SCAMP1: variants seen among roughly 807,000 people sequenced by gnomAD.
SCAMP1 encodes secretory carrier membrane protein 1.
In SCAMP1, 15 loss-of-function variants were observed where a neutral mutation model predicts 41.8. The ratio of observed to expected loss-of-function variants is 0.36; its 90% confidence interval spans 0.24 to 0.55. SCAMP1 has a LOEUF of 0.55. SCAMP1 is among the 20% of genes least tolerant of loss of function. SCAMP1 has a pLI of 0.86. For missense variants in SCAMP1, 341 were observed against 412.6 expected, an observed-to-expected ratio of 0.83 and a Z score of 1.50; for synonymous variants, 135 against 136.8, an observed-to-expected ratio of 0.99 and a Z score of 0.09.
chr5:78,383,434 A>G (rs1323495031), intron 1 of SCAMP1, among the ~76,000 whole-genome samples: 1 of 152,140 alleles, frequency 6.6e-6, no homozygotes, highest in East Asian at 1.9e-4. Context: ...TTTTTAGTTT[A>G]ATTAAGTCCC....
chr5:78,400,115 C>T (rs1390533504), intron 2 of SCAMP1, among the ~76,000 whole-genome samples: 1 of 152,116 alleles, frequency 6.6e-6, no homozygotes, highest in East Asian at 1.9e-4. Context: ...GCTCTAGCAC[C>T]ATTTGTTGAA....
At chr5:78,452,978 G>A (rs1250552953) in intron 7 of SCAMP1, among the ~76,000 whole-genome samples, 1 of 148,398 alleles carries the variant, frequency 6.7e-6, no homozygotes, top group Admixed American at 6.7e-5. Flanking sequence ...CTGCATAAAT[G>A]TCTTCTTTTG....
chr5:78,408,277 C>G (rs999981011), intron 2 of SCAMP1, among the ~76,000 whole-genome samples: 2 of 152,056 alleles, frequency 1.3e-5, no homozygotes, highest in African/African-American at 4.8e-5. Context: ...TTTATAAAAC[C>G]ATCAGGTATC....
chr5:78,467,533 C>T (rs1025815819), intron 8 of SCAMP1, among the ~76,000 whole-genome samples: 2 of 152,078 alleles, frequency 1.3e-5, no homozygotes, highest in Non-Finnish European at 2.9e-5. Context: ...ATGACTTTCT[C>T]GAATAAAAGT....
intron 6 of SCAMP1, among the ~76,000 whole-genome samples, chr5:78,433,343 A>G (rs1216800249): frequency 6.6e-6 from 1 of 152,088 alleles, no homozygotes; most frequent in African/African-American, 2.4e-5. Flanking sequence ...GACGGTAGAG[A>G]CTGAAATAAA....
At chr5:78,397,196 A>G (rs1751674094) in intron 2 of SCAMP1, among the ~76,000 whole-genome samples, 1 of 152,234 alleles carries the variant, frequency 6.6e-6, no homozygotes, top group Non-Finnish European at 1.5e-5. Flanking sequence ...TTTATGATCA[A>G]CTGATTTTTG....
At chr5:78,458,550 T>G (rs1355099274) in intron 7 of SCAMP1, among the ~76,000 whole-genome samples, 2 of 152,200 alleles carry the variant, frequency 1.3e-5, no homozygotes, top group Admixed American at 6.5e-5. Context: ...TATAAATATC[T>G]TCTTTCATAA....
At chr5:78,445,307 A>C (rs1044685050) in intron 6 of SCAMP1, among the ~76,000 whole-genome samples, 9 of 152,270 alleles carry the variant, frequency 5.9e-5, no homozygotes, top group Admixed American at 5.9e-4. Flanking sequence ...TCAGTTTTCC[A>C]GTAGGCTTTG....
chr5:78,382,521 C>T (rs920905843), intron 1 of SCAMP1, among the ~76,000 whole-genome samples: 2 of 152,072 alleles, frequency 1.3e-5, no homozygotes, highest in African/African-American at 4.8e-5. Flanking sequence ...ACCTGTCACC[C>T]GAGCAGTGTA....
chr5:78,442,179 A>G (rs548868341), intron 6 of SCAMP1, among the ~76,000 whole-genome samples: 1 of 152,352 alleles, frequency 6.6e-6, no homozygotes, highest in Non-Finnish European at 1.5e-5. Context: ...GTGGTATTCT[A>G]GATGTTTGAA....
At chr5:78,404,324 T>G (rs1751875581) in intron 2 of SCAMP1, among the ~76,000 whole-genome samples, 1 of 152,014 alleles carries the variant, frequency 6.6e-6, no homozygotes, top group South Asian at 2.1e-4. Context: ...ATTTTTTTAT[T>G]TTTTTAGAGA....
intron 6 of SCAMP1, among the ~76,000 whole-genome samples, chr5:78,430,423 C>A (rs1752590670): frequency 6.7e-6 from 1 of 150,078 alleles, no homozygotes. Context: ...CTCCTTCCTT[C>A]CCTTCTGATT....
rs61249151 is a variant in SCAMP1, at chr5:78,403,950, CAAAAAAAAAAAAAAAA to C, written c.136-11555_136-11540del. 2.0e-4 allele frequency among the ~76,000 whole-genome samples: 10 copies of C among 49,334 alleles called. No individual in the cohort carries two copies. In the East Asian group the frequency reaches 5.0e-3, roughly 25 times the overall value. The allele number at this position is 49,334 out of a possible 152,430, so 32.4% of individuals were successfully genotyped here. A position where few individuals can be genotyped will look rare whatever the true frequency, so the allele number is the denominator to read the frequency against. On this transcript the variant is annotated intron_variant, in intron 2 of 8. Coordinates refer to ENST00000621999, the MANE Select transcript of SCAMP1 (RefSeq NM_004866.6). ...TAGGGGACAGAGTGAGACTCTGTCT[CAAAAAAAAAAAAAAAA>C]AAAAAAAAAAAAAAGGGATGGTGGG...
chr5:78,452,458 G>A (rs1174804229), intron 7 of SCAMP1, among the ~76,000 whole-genome samples: 5 of 128,792 alleles, frequency 3.9e-5, no homozygotes, highest in Admixed American at 1.6e-4. Context: ...TTGTTCTTGC[G>A]ATAGTTTACT....
intron 1 of SCAMP1, among the ~76,000 whole-genome samples, chr5:78,375,559 CTATAAATGTGCATTTTCT>C (rs1252450619): frequency 3.3e-5 from 5 of 152,094 alleles, no homozygotes; most frequent in African/African-American, 1.2e-4. Flanking sequence ...CTTGATAGAA[CTATAAATGTGCATTTTCT>C]TATAAATGTT....
At chr5:78,432,910 C>G (rs760536427) in intron 6 of SCAMP1, among the ~76,000 whole-genome samples, 1 of 151,978 alleles carries the variant, frequency 6.6e-6, no homozygotes, top group Non-Finnish European at 1.5e-5. Flanking sequence ...CTTAGATGTT[C>G]TATTCTTTAT....
At chr5:78,464,970 T>A (rs1467738908) in intron 8 of SCAMP1, among the ~76,000 whole-genome samples, 3 of 152,234 alleles carry the variant, frequency 2.0e-5, no homozygotes, top group Non-Finnish European at 1.5e-5. Flanking sequence ...TACATTCCTT[T>A]GTTCCAGATT....
At chr5:78,463,405 T>A (rs962709738) in intron 8 of SCAMP1, among the ~76,000 whole-genome samples, 1 of 152,258 alleles carries the variant, frequency 6.6e-6, no homozygotes, top group Middle Eastern at 3.2e-3. Flanking sequence ...CATCTTCCCT[T>A]ATTATTTCAG....
At chr5:78,455,214 G>A (rs1408058077) in intron 7 of SCAMP1, among the ~76,000 whole-genome samples, 1 of 150,338 alleles carries the variant, frequency 6.7e-6, no homozygotes, top group African/African-American at 2.5e-5. Flanking sequence ...GTTATTTCTT[G>A]CCTTCTGCTA....
Sources: allele counts gnomAD v4.1 joint callset (sites outside exome capture counted in the v4.1 genomes callset), GRCh38; gene constraint gnomAD v4.1.1; transcripts MANE v1.5; gene names NCBI Gene and HGNC (gene_info 2026-07-23, HGNC 2026-07-21).